Variants in SPOCK3 observed in about 807,000 individuals in gnomAD.
SPOCK3 encodes testican-3.
A neutral mutation model predicts 56.6 loss-of-function variants in SPOCK3; 30 were observed. That is an observed-to-expected ratio of 0.53 (90% CI 0.40 to 0.72). SPOCK3 has a LOEUF of 0.72. Among genes scored for constraint, SPOCK3 ranks in the 30% least tolerant of loss-of-function variants. SPOCK3 has a pLI of 0.00. For missense variants in SPOCK3, 527 were observed against 530.0 expected (o/e 0.99, Z 0.06); for synonymous variants, 196 against 183.3 (o/e 1.07, Z -0.56).
intron 4 of SPOCK3, among the ~76,000 whole-genome samples, chr4:166,962,193 T>C (rs879712777): frequency 2.0e-5 from 3 of 152,152 alleles, no homozygotes; most frequent in Non-Finnish European, 2.9e-5. Flanking sequence ...GTCAGCTGAT[T>C]AGCAACCTTA....
chr4:166,899,127 G>T (rs1735727084), intron 5 of SPOCK3, among the ~76,000 whole-genome samples: 1 of 151,784 alleles, frequency 6.6e-6, no homozygotes, highest in African/African-American at 2.4e-5. Context: ...CACACCTTGG[G>T]CCACGGACTG....
intron 5 of SPOCK3, among the ~76,000 whole-genome samples, chr4:166,907,881 G>A (rs999154361): frequency 6.6e-6 from 1 of 151,890 alleles, no homozygotes; most frequent in African/African-American, 2.4e-5. Context: ...GATCGAGTTG[G>A]CATACCTCAG....
At chr4:167,085,300 CAGACT>C (rs1009371094) in intron 2 of SPOCK3, among the ~76,000 whole-genome samples, 10 of 151,860 alleles carry the variant, frequency 6.6e-5, no homozygotes, top group African/African-American at 2.2e-4. Context: ...AATGCCCAAA[CAGACT>C]TTTTTCCTTA....
rs1171745757 is a variant in SPOCK3, at chr4:167,234,001, C to T, written c.173G>A (p.Trp58Ter). 6.2e-7 allele frequency: 1 copy of T among 1,613,622 alleles called. No homozygotes were observed. The highest frequency in any genetic ancestry group is 8.5e-7 in the Non-Finnish European group (1 of 1,179,732). The change falls in exon 2 of 11, where the codon TGG (tryptophan) becomes TAG (stop). Residue 58 changes from tryptophan to a stop codon, truncating the protein, a stop_gained. Coordinates refer to ENST00000357545, the MANE Select transcript of SPOCK3 (RefSeq NM_001040159.2). LOFTEE classifies it high-confidence loss of function. ...GGAACTTACGTCTCGGAATTTGTTC[C>T]ACTGTCCGACTTCCTTGTCATACTG... ...ISQYDKEVGQ[W>*]NKFRDDDYFR...
At chr4:167,091,604 G>C (rs892269105) in intron 2 of SPOCK3, among the ~76,000 whole-genome samples, 3 of 152,024 alleles carry the variant, frequency 2.0e-5, no homozygotes, top group Non-Finnish European at 4.4e-5. Flanking sequence ...ATTTAATACC[G>C]TGTTGGACAC....
intron 3 of SPOCK3, among the ~76,000 whole-genome samples, chr4:167,054,609 C>T (rs1027597920): frequency 2.0e-5 from 3 of 152,136 alleles, no homozygotes; most frequent in Admixed American, 2.0e-4. Flanking sequence ...TATTGGCATG[C>T]TTTAGCTCAT....
chr4:166,941,568 T>A (rs1741075461), intron 4 of SPOCK3, among the ~76,000 whole-genome samples: 1 of 152,200 alleles, frequency 6.6e-6, no homozygotes, highest in Non-Finnish European at 1.5e-5. Context: ...TCCTCAGTGA[T>A]CCTTGCCTCT....
intron 2 of SPOCK3, among the ~76,000 whole-genome samples, chr4:167,156,664 T>A (rs1764842837): frequency 1.3e-5 from 2 of 152,172 alleles, no homozygotes; most frequent in South Asian, 4.1e-4. Flanking sequence ...ATTCTGTAAC[T>A]TACTGATGTG....
intron 2 of SPOCK3, among the ~76,000 whole-genome samples, chr4:167,217,856 C>G (rs1735519380): frequency 6.6e-6 from 1 of 151,280 alleles, no homozygotes; most frequent in African/African-American, 2.4e-5. Context: ...ATAAAAATTA[C>G]TATGGATTTT....
intron 7 of SPOCK3, among the ~76,000 whole-genome samples, chr4:166,785,455 C>A (rs909924273): frequency 6.6e-6 from 1 of 152,022 alleles, no homozygotes; most frequent in African/African-American, 2.4e-5. Flanking sequence ...CTGTGGAATT[C>A]TTTATGCAAA....
chr4:166,737,320 GT>G (rs566715928), intron 10 of SPOCK3, 146 bp downstream of exon 10: 65 of 777,948 alleles, frequency 8.4e-5, no homozygotes, highest in South Asian at 1.3e-4. Context: ...CTAGGAGTAA[GT>G]TTTTTTTGTC....
At chr4:166,747,366 A>G (rs1292263059) in intron 8 of SPOCK3, among the ~76,000 whole-genome samples, 1 of 152,214 alleles carries the variant, frequency 6.6e-6, no homozygotes, top group Non-Finnish European at 1.5e-5. Context: ...TCACAAAAAG[A>G]GAACCAATGA....
intron 4 of SPOCK3, among the ~76,000 whole-genome samples, chr4:166,940,215 C>T (rs1740889078): frequency 6.6e-6 from 1 of 152,070 alleles, no homozygotes; most frequent in Non-Finnish European, 1.5e-5. Flanking sequence ...TTCAGTTATC[C>T]TTCTGACTAT....
intron 4 of SPOCK3, among the ~76,000 whole-genome samples, chr4:166,922,466 T>C (rs1228123519): frequency 6.6e-6 from 1 of 152,182 alleles, no homozygotes. Context: ...CTCTTATGCT[T>C]TTATATGTCT....
At chr4:167,083,250 A>C (rs1419055359) in intron 2 of SPOCK3, 1 of 765,370 alleles carries the variant, frequency 1.3e-6, no homozygotes, top group South Asian at 1.3e-5. Flanking sequence ...CTACTTCCTC[A>C]GACTTTCCCT....
intron 3 of SPOCK3, among the ~76,000 whole-genome samples, chr4:167,016,413 G>A (rs59535532): frequency 0.2 from 30,112 of 151,936 alleles, 3,524 homozygotes; most frequent in African/African-American, 0.33. Flanking sequence ...TAGATAAAAT[G>A]TTTGGAAAAT....
intron 4 of SPOCK3, among the ~76,000 whole-genome samples, chr4:166,919,952 T>C (rs563713665): frequency 6.6e-6 from 1 of 152,200 alleles, no homozygotes; most frequent in Non-Finnish European, 1.5e-5. Context: ...GATTTACATG[T>C]ATGCTGATAG....
chr4:166,931,687 ATT>A (rs1460582147), intron 4 of SPOCK3, among the ~76,000 whole-genome samples: 1 of 152,130 alleles, frequency 6.6e-6, no homozygotes, highest in African/African-American at 2.4e-5. Flanking sequence ...TTCAATTTAT[ATT>A]TTGTGTTTAT....
In SPOCK3 at chr4:167,062,549, A is replaced by G. The variant is rs2150247261; in HGVS notation, c.190-12T>C. The G allele has an allele frequency of 1.3e-6, 2 of 1,597,060 alleles. No individual in the cohort carries two copies. The highest frequency in any genetic ancestry group is 1.7e-5 in the Admixed American group (1 of 59,426). ...CGGAAATAATCATCCTAAGGGGGAA[A>G]ATAATGTGAATTGAGTGTATACAAG... On this transcript the variant is annotated splice_polypyrimidine_tract_variant and intron_variant, in intron 2 of 10. Coordinates refer to ENST00000357545, the MANE Select transcript of SPOCK3 (RefSeq NM_001040159.2).
Sources: allele counts gnomAD v4.1 joint callset (sites outside exome capture counted in the v4.1 genomes callset), GRCh38; gene constraint gnomAD v4.1.1; transcripts MANE v1.5; gene names NCBI Gene and HGNC (gene_info 2026-07-23, HGNC 2026-07-21).